CHSY3: variants seen among roughly 807,000 people sequenced by gnomAD.
CHSY3 encodes chondroitin sulfate synthase 3, also known as N-acetylgalactosaminyl-proteoglycan 3-beta-glucuronosyltransferase 3.
Under a neutral mutation model 67.2 loss-of-function variants are expected in CHSY3, and 35 were observed. That is an observed-to-expected ratio of 0.52 (90% CI 0.40 to 0.69). The LOEUF (loss-of-function observed/expected upper bound fraction) is 0.69, where lower values mean the gene tolerates loss of function less well. Among genes scored for constraint, CHSY3 ranks in the 30% least tolerant of loss-of-function variants. The pLI, the probability that CHSY3 is intolerant of heterozygous loss-of-function variation, is 0.00. For synonymous variants in CHSY3, 474 were observed against 434.7 expected (o/e 1.09, Z -1.12); for missense variants, 1,069 against 1,138.5 (o/e 0.94, Z 0.88).
intron 2 of CHSY3, among the ~76,000 whole-genome samples, chr5:130,067,159 C>T (rs1580700982): frequency 6.6e-6 from 1 of 152,124 alleles, no homozygotes; most frequent in African/African-American, 2.4e-5. Context: ...ACAATTAGGA[C>T]TTTCCAATAA....
intron 2 of CHSY3, among the ~76,000 whole-genome samples, chr5:130,090,999 T>C (rs1766858386): frequency 6.6e-6 from 1 of 152,168 alleles, no homozygotes; most frequent in Admixed American, 6.6e-5. Context: ...CAAATCTGTG[T>C]TTTTTTATAT....
At chr5:130,151,743 T>C (rs1769237599) in intron 2 of CHSY3, among the ~76,000 whole-genome samples, 1 of 152,100 alleles carries the variant, frequency 6.6e-6, no homozygotes, top group Non-Finnish European at 1.5e-5. Flanking sequence ...ACTCACTCAG[T>C]ATCATGAGAA....
intron 2 of CHSY3, among the ~76,000 whole-genome samples, chr5:130,108,161 T>A (rs1023363948): frequency 2.6e-5 from 4 of 151,554 alleles, no homozygotes; most frequent in Non-Finnish European, 4.4e-5. Flanking sequence ...TTATACACTC[T>A]AGTTGATGGC....
chr5:129,977,229 C>T (rs1762839994), intron 2 of CHSY3, among the ~76,000 whole-genome samples: 2 of 152,106 alleles, frequency 1.3e-5, no homozygotes, highest in African/African-American at 4.8e-5. Context: ...ACACACTTTT[C>T]ATTACATCAC....
At chr5:130,134,559 A>C (rs1169963301) in intron 2 of CHSY3, among the ~76,000 whole-genome samples, 1 of 152,150 alleles carries the variant, frequency 6.6e-6, no homozygotes, top group East Asian at 1.9e-4. Flanking sequence ...ATCTCTTGAG[A>C]GGAGAGACTT....
chr5:130,104,563 G>A (rs1048188310), intron 2 of CHSY3, among the ~76,000 whole-genome samples: 2 of 151,708 alleles, frequency 1.3e-5, no homozygotes, highest in African/African-American at 4.8e-5. Context: ...GTCTCATAAC[G>A]TATTAGGTAA....
At chr5:130,150,535 A>T (rs1048018404) in intron 2 of CHSY3, among the ~76,000 whole-genome samples, 1 of 152,206 alleles carries the variant, frequency 6.6e-6, no homozygotes, top group African/African-American at 2.4e-5. Flanking sequence ...TCAACCAACC[A>T]GTATTAATTA....
At chr5:130,146,913 C>A (rs1418957550) in intron 2 of CHSY3, among the ~76,000 whole-genome samples, 1 of 152,152 alleles carries the variant, frequency 6.6e-6, no homozygotes. Flanking sequence ...CCTGCCTCAG[C>A]TTCCCCAGTA....
chr5:130,101,150 G>A (rs912752767), intron 2 of CHSY3, among the ~76,000 whole-genome samples: 6 of 152,156 alleles, frequency 3.9e-5, no homozygotes, highest in South Asian at 2.1e-4. Flanking sequence ...TTATTTTCTC[G>A]TGCATGATCA....
At position 130,185,292 on chromosome 5, in the gene CHSY3, G is replaced by A. The variant is rs1770382343; in HGVS notation, c.2150G>A (p.Cys717Tyr). 6.2e-7 allele frequency: 1 copy of A among 1,611,726 alleles called. No individual in the cohort carries two copies. Among genetic ancestry groups the A allele is most frequent in the Non-Finnish European group, 8.5e-7 (1 of 1,177,894 alleles). ...QFDNDTLLLF[C>Y]DVDLIFREDF... ...GACAATGACACTTTGCTGCTATTTTGTGATGTTGACTTGATCTTCAGAGAA... is the reference window on the plus strand; with the variant it reads ...GACAATGACACTTTGCTGCTATTTTATGATGTTGACTTGATCTTCAGAGAA... The change falls in exon 3 of 3, where the codon TGT becomes TAT. Residue 717 changes from cysteine to tyrosine, a missense_variant. Around this residue, in one of 5 missense-constraint regions of CHSY3, gnomAD observed 401 missense variants for 395.2 expected, o/e 1.01. Coordinates refer to ENST00000305031, the MANE Select transcript of CHSY3 (RefSeq NM_175856.5).
At chr5:130,082,276 C>T (rs1766470602) in intron 2 of CHSY3, among the ~76,000 whole-genome samples, 1 of 80,248 alleles carries the variant, frequency 1.2e-5, no homozygotes, top group Non-Finnish European at 2.2e-5. Context: ...ATAAAACAAG[C>T]TTTGATTTAT....
intron 2 of CHSY3, among the ~76,000 whole-genome samples, chr5:129,919,774 G>GATTTATTATT (rs1760857104): frequency 6.6e-6 from 1 of 152,128 alleles, no homozygotes; most frequent in Admixed American, 6.5e-5. Context: ...TTCTGTCAAT[G>GATTTATTATT]ACACTGATTT....
chr5:129,928,228 A>G (rs1761180672), intron 2 of CHSY3, among the ~76,000 whole-genome samples: 1 of 119,408 alleles, frequency 8.4e-6, no homozygotes, highest in African/African-American at 3.2e-5. Context: ...TCCAGTACTC[A>G]ACTTCACTGA....
rs143902574 is a variant in CHSY3, at chr5:130,099,597, G to T, written c.1087-84632G>T. ...TGGAATTTATTCCTTTTACATAAGA[G>T]TCATTACCCATAAAAATGATATTCA... On this transcript the variant is annotated intron_variant, in intron 2 of 2. Transcript: ENST00000305031. Among the ~76,000 whole-genome samples the T allele has an allele frequency of 1.3e-3, 193 of 152,208 alleles. 1 individual carries two copies. Among genetic ancestry groups the T allele is most frequent in the African/African-American group, 3.8e-3 (159 of 41,510 alleles).
intron 2 of CHSY3, among the ~76,000 whole-genome samples, chr5:130,061,056 A>C (rs1005123836): frequency 2.0e-5 from 3 of 152,168 alleles, no homozygotes; most frequent in Admixed American, 2.0e-4. Flanking sequence ...AGAAGTATAA[A>C]AAACTCCTAA....
intron 2 of CHSY3, among the ~76,000 whole-genome samples, chr5:130,165,037 A>T (rs552089532): frequency 2.4e-4 from 37 of 152,318 alleles, no homozygotes; most frequent in African/African-American, 8.7e-4. Context: ...TAGCAGAGAA[A>T]GCTGGAGAGG....
intron 2 of CHSY3, among the ~76,000 whole-genome samples, chr5:130,080,586 C>T (rs1020414831): frequency 6.6e-6 from 1 of 152,038 alleles, no homozygotes; most frequent in Non-Finnish European, 1.5e-5. Flanking sequence ...TAATCAAGAT[C>T]AGAACTCAGG....
intron 2 of CHSY3, among the ~76,000 whole-genome samples, chr5:130,147,385 G>A (rs1266169764): frequency 6.6e-6 from 1 of 152,110 alleles, no homozygotes; most frequent in African/African-American, 2.4e-5. Flanking sequence ...GTTGCTTTAT[G>A]TTAATTAATG....
intron 2 of CHSY3, among the ~76,000 whole-genome samples, chr5:130,050,689 T>C (rs2149671128): frequency 6.6e-6 from 1 of 152,208 alleles, no homozygotes; most frequent in East Asian, 1.9e-4. Context: ...GATAAGAACC[T>C]GTCTTAGCCA....
Sources: gnomAD v4.1 joint callset for allele counts (sites outside exome capture counted in the v4.1 genomes callset) on GRCh38, gnomAD v4.1.1 for gene constraint, gnomAD v4.1.1 regional missense constraint, MANE v1.5 for transcripts, NCBI Gene and HGNC (gene_info 2026-07-23, HGNC 2026-07-21) for gene names.